EIF3H: variants seen among roughly 807,000 people sequenced by gnomAD.
The protein encoded by EIF3H is eIF-3-gamma.
Under a neutral mutation model 44.2 loss-of-function variants are expected in EIF3H, and 26 were observed. The observed-to-expected ratio is 0.59, with a 90% confidence interval of 0.43 to 0.82. The LOEUF (loss-of-function observed/expected upper bound fraction) is 0.82, where lower values mean the gene tolerates loss of function less well. Among genes scored for constraint, EIF3H ranks in the 40% least tolerant of loss-of-function variants. The pLI is 0.00. For synonymous variants in EIF3H, 166 were observed against 151.9 expected, an observed-to-expected ratio of 1.09 and a Z score of -0.68; for missense variants, 359 against 432.8, an observed-to-expected ratio of 0.83 and a Z score of 1.51.
rs769711692 is a variant in EIF3H at position 116,646,560 on chromosome 8, C to G, written c.872G>C (p.Arg291Pro). ...RQQENMQRQS[R>P]GEPPLPEEDL... is the part of the protein sequence containing the mutation. ...CTCCTCAGGGAGCGGGGGTTCTCCT[C>G]GGCTCTGGCGCTGCATATTCTCCTG... is the stretch of plus-strand genomic sequence containing the variant. The change falls in exon 7 of 8, where the codon CGA becomes CCA. Residue 291 changes from arginine (R) to proline (P), a missense_variant. This residue lies in a region of EIF3H where 94 missense variants were observed against 96.0 expected (regional missense o/e 0.98). Coordinates refer to ENST00000521861, the MANE Select transcript of EIF3H (RefSeq NM_003756.3). 6.2e-7 allele frequency: 1 copy of G among 1,614,092 alleles called. No homozygotes were observed. The highest frequency in any genetic ancestry group is 8.5e-7 in the Non-Finnish European group (1 of 1,180,008).
chr8:116,710,295 AT>A (rs1814552105), intron 2 of EIF3H, among the ~76,000 whole-genome samples: 1 of 152,204 alleles, frequency 6.6e-6, no homozygotes, highest in South Asian at 2.1e-4. Flanking sequence ...TAAACCATCT[AT>A]TCAAACTATT....
intron 1 of EIF3H, among the ~76,000 whole-genome samples, chr8:116,732,342 A>G (rs767424647): frequency 2.0e-5 from 3 of 152,210 alleles, no homozygotes; most frequent in Non-Finnish European, 2.9e-5. Context: ...TAAAATAGCC[A>G]AATAAATAAC....
intron 2 of EIF3H, among the ~76,000 whole-genome samples, chr8:116,713,041 T>C (rs563304829): frequency 6.6e-6 from 1 of 152,296 alleles, no homozygotes; most frequent in South Asian, 2.1e-4. Context: ...AAACAGTTCA[T>C]TTTAATGGCT....
chr8:116,701,332 A>T (rs1563646523), intron 2 of EIF3H, among the ~76,000 whole-genome samples: 2 of 152,218 alleles, frequency 1.3e-5, no homozygotes, highest in Admixed American at 6.5e-5. Context: ...CCAGTCTAGC[A>T]GAAGTGAATA....
At chr8:116,716,808 T>TGTTA (rs1440721068) in intron 2 of EIF3H, among the ~76,000 whole-genome samples, 27 of 152,124 alleles carry the variant, frequency 1.8e-4, no homozygotes, top group Non-Finnish European at 3.5e-4. Flanking sequence ...TTTGTCCATC[T>TGTTA]CTGATTTAAA....
intron 2 of EIF3H, among the ~76,000 whole-genome samples, chr8:116,713,793 A>G (rs889644275): frequency 6.6e-6 from 1 of 152,150 alleles, no homozygotes; most frequent in Non-Finnish European, 1.5e-5. Context: ...GCAGTAAATC[A>G]CTAAATGTGA....
At position 116,688,365 on chromosome 8, in the gene EIF3H, G is replaced by A. The variant is rs1196625400; in HGVS notation, c.290-29385C>T. Among the ~76,000 whole-genome samples the A allele has an allele frequency of 2.0e-5, 3 of 152,024 alleles. No homozygotes were observed. The East Asian group carries it at 5.8e-4, about 29-fold the overall frequency. On this transcript the variant is annotated intron_variant, in intron 2 of 7. Transcript: ENST00000521861. ...AATCTAGAAATTTTACATAAAAAAT[G>A]GGAACAGCCAAAATCCCTATTGACA...
intron 3 of EIF3H, chr8:116,658,462 A>G (rs924339903): frequency 1.1e-5 from 2 of 175,784 alleles, no homozygotes; most frequent in African/African-American, 4.7e-5. Context: ...GGCACACCGT[A>G]TTATGATTGG....
At chr8:116,696,843 A>G (rs188198450) in intron 2 of EIF3H, among the ~76,000 whole-genome samples, 3 of 152,348 alleles carry the variant, frequency 2.0e-5, no homozygotes, top group African/African-American at 7.2e-5. Context: ...TTTGACTACA[A>G]AACATATGAG....
At chr8:116,673,590 T>G (rs528230603) in intron 2 of EIF3H, among the ~76,000 whole-genome samples, 2 of 152,200 alleles carry the variant, frequency 1.3e-5, no homozygotes, top group African/African-American at 2.4e-5. Flanking sequence ...CATGTCACTT[T>G]GGCAAATTAT....
chr8:116,736,640 C>A (rs1294402748), intron 1 of EIF3H, among the ~76,000 whole-genome samples: 1 of 151,702 alleles, frequency 6.6e-6, no homozygotes, highest in East Asian at 1.9e-4. Context: ...CCAGCCTGGG[C>A]GACAGAGCAA....
At chr8:116,740,024 T>C (rs367818566) in intron 1 of EIF3H, among the ~76,000 whole-genome samples, 1 of 152,096 alleles carries the variant, frequency 6.6e-6, no homozygotes, top group African/African-American at 2.4e-5. Flanking sequence ...GGGATATCAC[T>C]TGGATATCAC....
intron 2 of EIF3H, among the ~76,000 whole-genome samples, chr8:116,660,654 C>T (rs573749608): frequency 1.2e-4 from 19 of 152,088 alleles, no homozygotes; most frequent in Non-Finnish European, 2.4e-4. Context: ...AACTGCACTA[C>T]TGTAAAGATG....
chr8:116,676,957 A>T (rs978909946), intron 2 of EIF3H, among the ~76,000 whole-genome samples: 6 of 152,194 alleles, frequency 3.9e-5, no homozygotes, highest in Non-Finnish European at 5.9e-5. Context: ...TAAAATAAAA[A>T]AAAAAAATTC....
At position 116,656,493 on chromosome 8, in the gene EIF3H, T is replaced by C. The variant is rs538578961; in HGVS notation, c.558-488A>G. On this transcript the variant is annotated intron_variant, in intron 4 of 7. Transcript: ENST00000521861. The stretch of plus-strand genomic sequence containing the variant: ...AACATGCCAAGAACACAGTTTCTCA[T>C]AGATTAGTTATAACCACCACATCCA... 1.1e-3 allele frequency among the ~76,000 whole-genome samples: 164 copies of C among 152,328 alleles called. 1 individual carries two copies. The highest frequency in any genetic ancestry group is 5.8e-3 in the South Asian group (28 of 4,832).
At chr8:116,667,417 C>T (rs1403502044) in intron 2 of EIF3H, among the ~76,000 whole-genome samples, 3 of 148,608 alleles carry the variant, frequency 2.0e-5, no homozygotes, top group South Asian at 4.2e-4. Flanking sequence ...AAGGAGAGAA[C>T]GACCTGAGTA....
chr8:116,671,764 C>T (rs2130818454), intron 2 of EIF3H, among the ~76,000 whole-genome samples: 1 of 152,322 alleles, frequency 6.6e-6, no homozygotes, highest in Admixed American at 6.5e-5. Context: ...GGTAATCCCA[C>T]AGAGTTCTCC....
At chr8:116,646,643 A>T (rs973076000) in intron 6 of EIF3H, 40 bp from the exon 7 acceptor site, 3 of 1,605,238 alleles carry the variant, frequency 1.9e-6, no homozygotes, top group Non-Finnish European at 2.6e-6. Context: ...ATTTTTCTCC[A>T]TCTGAGGAGG....
intron 2 of EIF3H, among the ~76,000 whole-genome samples, chr8:116,702,934 A>T (rs1439919718): frequency 6.6e-6 from 1 of 152,144 alleles, no homozygotes; most frequent in Non-Finnish European, 1.5e-5. Flanking sequence ...ACCTCAGATC[A>T]TCAGGCATTA....
Sources: allele counts gnomAD v4.1 joint callset (sites outside exome capture counted in the v4.1 genomes callset), GRCh38; gene constraint gnomAD v4.1.1; regional missense constraint gnomAD v4.1.1; transcripts MANE v1.5; gene names NCBI Gene and HGNC (gene_info 2026-07-23, HGNC 2026-07-21).